The following PRRC2C variants were observed in gnomAD, a reference collection of about 807,000 sequenced individuals.
The protein encoded by PRRC2C is protein PRRC2C.
PRRC2C carries 72 observed loss-of-function variants against 317.2 expected under a neutral mutation model. The observed-to-expected ratio is 0.23, with a 90% CI of 0.19 to 0.28. The LOEUF (loss-of-function observed/expected upper bound fraction) is 0.28, where lower values mean the gene tolerates loss of function less well. PRRC2C is among the 10% of genes least tolerant of loss of function. The pLI is 1.00. For synonymous variants in PRRC2C, 1,296 were observed against 1,205.9 expected (o/e 1.07, Z -1.55); for missense variants, 3,074 against 3,459.7 (o/e 0.89, Z 2.80).
chr1:171,550,415 T>A (rs1679962011), intron 18 of PRRC2C, among the ~76,000 whole-genome samples, 175 bp downstream of exon 18: 1 of 151,842 alleles, frequency 6.6e-6, no homozygotes, highest in South Asian at 2.1e-4. Flanking sequence ...AAATTTTAAA[T>A]AAAATATAAG....
In PRRC2C at chr1:171,535,548, A is replaced by T. The variant is rs1414744292; in HGVS notation, c.1994A>T (p.Tyr665Phe). ...SQPRPAVLSGYFKQFQKSLPP... is the reference protein window; with the variant it reads ...SQPRPAVLSGFFKQFQKSLPP... ...CCTCGGCCGGCTGTATTATCTGGCT[A>T]TTTCAAACAGTTTCAGAAGTCTTTA... Residue 665 changes from tyrosine (Y) to phenylalanine (F), a missense_variant, in exon 13 of 35, where the codon TAT becomes TTT. This residue lies in a region of PRRC2C where 1,320 missense variants were observed against 1,395.7 expected (regional missense o/e 0.95). Coordinates refer to ENST00000647382, the MANE Select transcript of PRRC2C (RefSeq NM_001387844.1). The T allele has an allele frequency of 1.2e-6, 2 of 1,613,896 alleles. No individual in the cohort carries two copies. Among genetic ancestry groups the T allele is most frequent in the Non-Finnish European group, 1.7e-6 (2 of 1,179,888 alleles).
intron 6 of PRRC2C, among the ~76,000 whole-genome samples, chr1:171,518,494 ATTTT>A (rs149358002): frequency 1.4e-5 from 1 of 72,580 alleles, no homozygotes; most frequent in Non-Finnish European, 2.8e-5. Flanking sequence ...TTTTTTTTCA[ATTTT>A]TTTTTTTTTT....
At chr1:171,560,297 G>GT (rs1160576056) in intron 19 of PRRC2C, among the ~76,000 whole-genome samples, 2 of 152,224 alleles carry the variant, frequency 1.3e-5, no homozygotes, top group Admixed American at 6.5e-5. Context: ...AAAGAAAGTT[G>GT]TTTTTTGTGA....
rs1480998545 is a variant in PRRC2C at position 171,557,814 on chromosome 1, C to T, written c.5702C>T (p.Thr1901Ile). 2 of 1,550,012 alleles carry T rather than the reference C, an allele frequency of 1.3e-6. No individual in the cohort carries two copies. The highest frequency in any genetic ancestry group is 1.7e-6 in the Non-Finnish European group (2 of 1,145,964). ...TAPTIPASAP[T>I]ASVPLAPASA... ...CCAACTATCCCAGCCTCAGCCCCAA[C>T]TGCCTCAGTCCCACTTGCCCCTGCC... The change falls in exon 19 of 35, where the codon ACT becomes ATT. Residue 1901 changes from threonine to isoleucine, a missense_variant. Thr to Ile is a moderately conservative substitution (Grantham distance 89). This residue lies in a region of PRRC2C where 640 missense variants were observed against 676.1 expected (regional missense o/e 0.95). Transcript: ENST00000647382.
chr1:171,540,410 A>C lies in PRRC2C; in HGVS notation c.2944A>C (p.Lys982Gln). ...CTTTATACGATCTTCTGAAGGACCA[A>C]AACCTGAAAAAGTATATAAATCTAA... ...EGFIRSSEGP[K>Q]PEKVYKSKSE... The change falls in exon 16 of 35, where the codon AAA becomes CAA. Residue 982 changes from lysine to glutamine, a missense_variant. Lys to Gln is a moderately conservative substitution (Grantham distance 53). Coordinates refer to ENST00000647382, the MANE Select transcript of PRRC2C (RefSeq NM_001387844.1). 2 of 1,613,188 alleles carry C rather than the reference A, an allele frequency of 1.2e-6. No homozygotes were observed. Among genetic ancestry groups the C allele is most frequent in the Non-Finnish European group, 1.7e-6 (2 of 1,179,578 alleles).
chr1:171,497,163 T>C (rs1039546427), intron 1 of PRRC2C, among the ~76,000 whole-genome samples: 7 of 152,236 alleles, frequency 4.6e-5, no homozygotes, highest in Non-Finnish European at 8.8e-5. Context: ...TTATTCTATA[T>C]TGTAATGCAG....
At position 171,542,145 on chromosome 1, in the gene PRRC2C, A is replaced by G. The variant is rs149317529; in HGVS notation, c.4679A>G (p.Asn1560Ser). The part of the protein sequence containing the change: ...PVDRQNRRGN[N>S]GPPKSGRNFS... The stretch of plus-strand genomic sequence containing the variant: ...GATCGTCAGAATCGACGTGGCAACA[A>G]TGGTCCACCCAAATCAGGAAGGAAT... The change falls in exon 16 of 35, where the codon AAT becomes AGT. Residue 1560 changes from asparagine to serine, a missense_variant. Coordinates refer to ENST00000647382, the MANE Select transcript of PRRC2C (RefSeq NM_001387844.1). 4 of 1,611,826 alleles carry G rather than the reference A, an allele frequency of 2.5e-6. No individual in the cohort carries two copies. Among genetic ancestry groups the G allele is most frequent in the Middle Eastern group, 1.6e-4 (1 of 6,082 alleles).
In PRRC2C at chr1:171,542,722, A is replaced by T. The variant is rs543344634; in HGVS notation, c.4763+493A>T. 8.5e-5 allele frequency among the ~76,000 whole-genome samples: 13 copies of T among 152,226 alleles called. No homozygotes were observed. The East Asian group carries it at 1.2e-3, about 14-fold the overall frequency. On this transcript the variant is annotated intron_variant, in intron 16 of 34. Transcript: ENST00000647382. The stretch of plus-strand genomic sequence containing the variant: ...AATTGCCATGGCAATGGATTTTTTT[A>T]AAAAAATATTTTTTCTCAAGTAAGC...
intron 28 of PRRC2C, among the ~76,000 whole-genome samples, chr1:171,582,848 T>C (rs1648962903): frequency 1.1e-5 from 1 of 90,754 alleles, no homozygotes. Flanking sequence ...GTGGGTACAC[T>C]AAATTTGTTA....
chr1:171,588,683 T>C (rs1650618970), intron 33 of PRRC2C, among the ~76,000 whole-genome samples, 178 bp downstream of exon 33: 1 of 152,210 alleles, frequency 6.6e-6, no homozygotes, highest in Admixed American at 6.5e-5. Context: ...TAGCCAGACA[T>C]GGTAATTGTT....
chr1:171,555,826 C>T (rs908712455), intron 18 of PRRC2C, among the ~76,000 whole-genome samples: 2 of 152,156 alleles, frequency 1.3e-5, no homozygotes, highest in African/African-American at 4.8e-5. Flanking sequence ...ATATTGCTGC[C>T]TGATCCTTCC....
chr1:171,502,087 T>C (rs1045529882), intron 1 of PRRC2C, among the ~76,000 whole-genome samples: 2 of 152,216 alleles, frequency 1.3e-5, no homozygotes, highest in African/African-American at 4.8e-5. Context: ...CACACCCAGC[T>C]TTTTTTGTGG....
chr1:171,496,245 C>T (rs1230287725), intron 1 of PRRC2C, among the ~76,000 whole-genome samples: 1 of 124,162 alleles, frequency 8.1e-6, no homozygotes, highest in Non-Finnish European at 1.6e-5. Flanking sequence ...CCCTGTTGCC[C>T]TGGCTGGAGT....
At chr1:171,486,753 G>C (rs1666203366) in intron 1 of PRRC2C, among the ~76,000 whole-genome samples, 1 of 152,118 alleles carries the variant, frequency 6.6e-6, no homozygotes, top group Non-Finnish European at 1.5e-5. Context: ...AGAATCGGAG[G>C]ATTTTTTGAT....
chr1:171,503,867 CAAAG>C lies in PRRC2C; in HGVS notation c.-57-8163_-57-8160del, dbSNP rs1191035033. Among the ~76,000 whole-genome samples, 8 of 152,246 alleles carry C rather than the reference CAAAG, an allele frequency of 5.3e-5. No individual in the cohort carries two copies. The South Asian group carries it at 8.3e-4, about 16-fold the overall frequency. ...AAGCTGCGTCTTACATGGCAGCAGACAAAGAGAGAGAACTTGTACAGGGAAACTT... is the reference window on the plus strand; with the variant it reads ...AAGCTGCGTCTTACATGGCAGCAGACAGAGAGAACTTGTACAGGGAAACTT... On this transcript the variant is annotated intron_variant, in intron 1 of 34. Coordinates refer to ENST00000647382, the MANE Select transcript of PRRC2C (RefSeq NM_001387844.1).
At chr1:171,569,575 A>ATATATATATATATATATATAT (rs1684330118) in intron 23 of PRRC2C, among the ~76,000 whole-genome samples, 2 of 60,150 alleles carry the variant, frequency 3.3e-5, no homozygotes, top group Admixed American at 1.8e-4. Flanking sequence ...AAGTGGTTTA[A>ATATATATATATATATATATAT]ATATATATAT....
intron 20 of PRRC2C, among the ~76,000 whole-genome samples, chr1:171,565,800 C>G (rs895563945): frequency 2.0e-5 from 3 of 152,178 alleles, no homozygotes; most frequent in Admixed American, 2.0e-4. Flanking sequence ...TCTATGTTAC[C>G]AATCACAAAG....
chr1:171,532,724 G>A lies in PRRC2C; in HGVS notation c.1636G>A (p.Glu546Lys). 6 of 1,548,836 alleles carry A rather than the reference G, an allele frequency of 3.9e-6. No individual in the cohort carries two copies. The highest frequency in any genetic ancestry group is 5.2e-6 in the Non-Finnish European group (6 of 1,146,594). The change falls in exon 12 of 35, where the codon GAG becomes AAG. Residue 546 changes from glutamate (E) to lysine (K), a missense_variant. Coordinates refer to ENST00000647382, the MANE Select transcript of PRRC2C (RefSeq NM_001387844.1). ...DRERQQEKEKELEKEQEKQRE... is the reference protein window; with the variant it reads ...DRERQQEKEKKLEKEQEKQRE... ...AGAGAGACAGCAGGAAAAGGAGAAA[G>A]AGCTGGAGAAGGAGCAGGAAAAACA...
At chr1:171,562,429 G>A (rs1260158359) in intron 20 of PRRC2C, among the ~76,000 whole-genome samples, 1 of 152,168 alleles carries the variant, frequency 6.6e-6, no homozygotes, top group Non-Finnish European at 1.5e-5. Context: ...ATTATTCTGG[G>A]TTGTCTGTGA....
Sources: allele counts gnomAD v4.1 joint callset (sites outside exome capture counted in the v4.1 genomes callset), GRCh38; gene constraint gnomAD v4.1.1; regional missense constraint gnomAD v4.1.1; transcripts MANE v1.5; gene names NCBI Gene and HGNC (gene_info 2026-07-23, HGNC 2026-07-21).